Variants in ASIC2 observed in about 807,000 individuals in gnomAD.
The protein encoded by ASIC2 is acid sensing ion channel subunit 2.
Under a neutral mutation model 57.3 loss-of-function variants are expected in ASIC2, and 25 were observed. The ratio of observed to expected loss-of-function variants is 0.44; its 90% CI spans 0.32 to 0.61. The LOEUF (loss-of-function observed/expected upper bound fraction) is 0.61. Among genes scored for constraint, ASIC2 ranks in the 20% least tolerant of loss-of-function variants. The pLI is 0.06. For synonymous variants in ASIC2, 319 were observed against 307.5 expected, an observed-to-expected ratio of 1.04 and a Z score of -0.39; for missense variants, 641 against 738.1, an observed-to-expected ratio of 0.87 and a Z score of 1.52.
At chr17:33,392,466 T>C (rs1909937582) in intron 1 of ASIC2, among the ~76,000 whole-genome samples, 1 of 152,110 alleles carries the variant, frequency 6.6e-6, no homozygotes, top group Non-Finnish European at 1.5e-5. Context: ...GGTTTTCCCA[T>C]GTTGCCCTGA....
At chr17:33,468,031 T>C (rs1350375087) in intron 1 of ASIC2, among the ~76,000 whole-genome samples, 1 of 152,180 alleles carries the variant, frequency 6.6e-6, no homozygotes, top group Non-Finnish European at 1.5e-5. Context: ...GCTGGACAGA[T>C]CTCATCCAGG....
At chr17:34,147,594 C>A (rs3744514) in intron 1 of ASIC2, among the ~76,000 whole-genome samples, 64,345 of 151,852 alleles carry the variant, frequency 0.42, 13,937 homozygotes, top group African/African-American at 0.51. Context: ...TCCAGCAACC[C>A]CTAAGCCCAG....
At position 33,187,886 on chromosome 17, in the gene ASIC2, A is replaced by G. The variant is rs1391488430; in HGVS notation, c.709-75819T>C. On this transcript the variant is annotated intron_variant, in intron 1 of 9. Transcript: ENST00000225823. ...TGACATTCATAACGCCTGACAGCCA[A>G]TCAAAAATGGTCAGGGATGAAAAAA... Among the ~76,000 whole-genome samples the G allele has an allele frequency of 2.6e-5, 4 of 151,394 alleles. No individual in the cohort carries two copies. In the East Asian group the frequency reaches 7.7e-4, roughly 29 times the overall value.
chr17:33,776,527 CAG>C (rs1911284269), intron 1 of ASIC2, among the ~76,000 whole-genome samples: 2 of 152,182 alleles, frequency 1.3e-5, no homozygotes. Context: ...ATACAGGATG[CAG>C]AGTTACATTT....
intron 1 of ASIC2, among the ~76,000 whole-genome samples, chr17:33,726,407 T>C (rs923049078): frequency 1.3e-5 from 2 of 152,146 alleles, no homozygotes; most frequent in Non-Finnish European, 2.9e-5. Flanking sequence ...AATGCAGCAA[T>C]AGAGAACTGA....
chr17:33,088,760 TA>T, intron 3 of ASIC2, 102 bp downstream of exon 3: 1 of 1,411,232 alleles, frequency 7.1e-7, no homozygotes, highest in Non-Finnish European at 9.3e-7. Flanking sequence ...AGTTTCACAG[TA>T]AAGCCCTTGA....
At chr17:33,089,119 TC>T in intron 2 of ASIC2, 129 bp from the exon 3 acceptor site, 1 of 1,246,632 alleles carries the variant, frequency 8.0e-7, no homozygotes, top group Non-Finnish European at 1.1e-6. Flanking sequence ...CCCAAAGGTG[TC>T]CACATCCCCA....
chr17:33,631,448 A>T (rs1446052836), intron 1 of ASIC2, among the ~76,000 whole-genome samples: 2 of 151,930 alleles, frequency 1.3e-5, no homozygotes, highest in Admixed American at 1.3e-4. Context: ...TCATGATGAC[A>T]TTATGGGCTT....
intron 1 of ASIC2, among the ~76,000 whole-genome samples, chr17:34,015,413 C>T (rs182626493): frequency 6.6e-6 from 1 of 152,328 alleles, no homozygotes; most frequent in East Asian, 1.9e-4. Flanking sequence ...GAGAGCCTAC[C>T]AGGGATTCCA....
At chr17:33,201,736 A>G (rs1462795298) in intron 1 of ASIC2, among the ~76,000 whole-genome samples, 1 of 152,162 alleles carries the variant, frequency 6.6e-6, no homozygotes, top group Non-Finnish European at 1.5e-5. Context: ...CTTCAATAAA[A>G]GCTGCTGTCT....
intron 1 of ASIC2, among the ~76,000 whole-genome samples, chr17:33,610,858 G>A (rs1314368775): frequency 6.6e-6 from 1 of 152,138 alleles, no homozygotes; most frequent in Non-Finnish European, 1.5e-5. Context: ...TAGCACCACT[G>A]CCCTCCAGCC....
chr17:33,817,616 G>A (rs956120864), intron 1 of ASIC2, among the ~76,000 whole-genome samples: 1 of 152,210 alleles, frequency 6.6e-6, no homozygotes, highest in African/African-American at 2.4e-5. Flanking sequence ...CTCCCTGAGA[G>A]CAGTTTTGTC....
intron 1 of ASIC2, among the ~76,000 whole-genome samples, chr17:33,651,977 C>G (rs1423573550): frequency 6.6e-6 from 1 of 152,094 alleles, no homozygotes; most frequent in African/African-American, 2.4e-5. Context: ...GCAGGAATCC[C>G]AGAAAGGAGT....
chr17:33,370,935 A>G (rs1481641554), intron 1 of ASIC2, among the ~76,000 whole-genome samples: 1 of 152,214 alleles, frequency 6.6e-6, no homozygotes, highest in Non-Finnish European at 1.5e-5. Flanking sequence ...AAGTGGTGAA[A>G]GAATAGCTAC....
At chr17:34,151,116 A>T (rs867919783) in intron 1 of ASIC2, among the ~76,000 whole-genome samples, 4,521 of 147,592 alleles carry the variant, frequency 0.031, 262 homozygotes, top group African/African-American at 0.1. Context: ...AAAAAAAAAA[A>T]AAAAAAAAAT....
At chr17:33,517,061 G>A (rs1914594465) in intron 1 of ASIC2, among the ~76,000 whole-genome samples, 1 of 152,068 alleles carries the variant, frequency 6.6e-6, no homozygotes, top group Non-Finnish European at 1.5e-5. Context: ...TCTTTGCTTT[G>A]GGAAATGGTT....
chr17:33,663,934 C>T (rs1193610765), intron 1 of ASIC2, among the ~76,000 whole-genome samples: 1 of 152,202 alleles, frequency 6.6e-6, no homozygotes, highest in Non-Finnish European at 1.5e-5. Flanking sequence ...CTGCCCCAAA[C>T]CTGTCCTCAC....
chr17:33,861,118 C>A (rs1914090208), intron 1 of ASIC2, among the ~76,000 whole-genome samples: 1 of 152,128 alleles, frequency 6.6e-6, no homozygotes, highest in Admixed American at 6.6e-5. Context: ...AAGGAAAAAA[C>A]CCCGTGTGTA....
chr17:33,252,915 A>T (rs1908934941), intron 1 of ASIC2, among the ~76,000 whole-genome samples: 1 of 152,142 alleles, frequency 6.6e-6, no homozygotes, highest in Admixed American at 6.5e-5. Flanking sequence ...CTATGCCTCT[A>T]TCAGGTCTGA....
Sources: gnomAD v4.1 joint callset for allele counts (sites outside exome capture counted in the v4.1 genomes callset) on GRCh38, gnomAD v4.1.1 for gene constraint, MANE v1.5 for transcripts, NCBI Gene and HGNC (gene_info 2026-07-23, HGNC 2026-07-21) for gene names.